Variants in NFATC1 observed in about 807,000 individuals in gnomAD.
NFATC1 encodes nuclear factor of activated T cells 1, also known as nuclear factor of activated T-cells, cytoplasmic 1.
NFATC1 carries 22 observed loss-of-function variants against 76.0 expected under a neutral mutation model. The ratio of observed to expected loss-of-function variants is 0.29; its 90% CI spans 0.21 to 0.41. NFATC1 has a LOEUF of 0.41. NFATC1 is among the 10% of genes least tolerant of loss of function. The pLI is 1.00. For synonymous variants in NFATC1, 704 were observed against 613.1 expected, an observed-to-expected ratio of 1.15 and a Z score of -2.19; for missense variants, 1,357 against 1,337.7, an observed-to-expected ratio of 1.01 and a Z score of -0.23.
At chr18:79,458,322 AG>A (rs139195481) in intron 6 of NFATC1, among the ~76,000 whole-genome samples, 15 of 108,156 alleles carry the variant, frequency 1.4e-4, no homozygotes, top group Admixed American at 8.9e-4. Flanking sequence ...GCAGGGCACG[AG>A]GATGCTTTGG....
Position 79,463,752 on chromosome 18 carries a change from G to A in NFATC1, c.1959+2386G>A, listed in dbSNP as rs560110730. ...GCAGTGTACCCTGGTGCCTGGCCTC[G>A]TGCTGCCTACCCTCCCTAGCCCTGG... On this transcript the variant is annotated intron_variant, in intron 7 of 9. Transcript: ENST00000427363. Among the ~76,000 whole-genome samples the A allele has an allele frequency of 3.9e-5, 6 of 152,198 alleles. No individual in the cohort carries two copies. In the South Asian group the frequency reaches 6.2e-4, roughly 16 times the overall value.
At chr18:79,518,557 T>A (rs1279283756) in intron 9 of NFATC1, among the ~76,000 whole-genome samples, 2 of 152,138 alleles carry the variant, frequency 1.3e-5, no homozygotes, top group Admixed American at 6.5e-5. Flanking sequence ...CCTTGACAAG[T>A]GTTTTGTCAC....
chr18:79,516,890 C>CT (rs2090398579), intron 9 of NFATC1, among the ~76,000 whole-genome samples: 1 of 152,120 alleles, frequency 6.6e-6, no homozygotes, highest in African/African-American at 2.4e-5. Flanking sequence ...ACTGTAATAC[C>CT]TTAAATGAGA....
chr18:79,486,127 G>A, intron 8 of NFATC1, 121 bp from the exon 9 acceptor site: 1 of 829,748 alleles, frequency 1.2e-6, no homozygotes, highest in Non-Finnish European at 1.9e-6. Context: ...GAACCAGGCA[G>A]GAGACAGAGG....
intron 2 of NFATC1, 62 bp downstream of exon 2, chr18:79,411,563 C>A: frequency 1.1e-6 from 1 of 888,210 alleles, no homozygotes; most frequent in Non-Finnish European, 1.5e-6. Context: ...GGGCGGAACG[C>A]GGGGAGCGGG....
rs143045693 is a variant in NFATC1 at position 79,410,505 on chromosome 18, C to T, written c.230C>T (p.Pro77Leu). 236 of 1,612,064 alleles carry T rather than the reference C, an allele frequency of 1.5e-4. No homozygotes were observed. Among genetic ancestry groups the T allele is most frequent in the Middle Eastern group, 4.9e-4 (3 of 6,062 alleles). Residue 77 changes from proline (P) to leucine (L), a missense_variant, in exon 2 of 10, where the codon CCG becomes CTG. Coordinates refer to ENST00000427363, the MANE Select transcript of NFATC1 (RefSeq NM_001278669.2). The surrounding 1 kb of genome is among the most constrained non-coding windows in gnomAD (Gnocchi z 6.7). ...APCHNLQTSTPGIIPPADHPS... is the reference protein window; with the variant it reads ...APCHNLQTSTLGIIPPADHPS... ...TGCCACAACCTTCAGACCTCCACAC[C>T]GGGCATCATCCCGCCGGCGGATCAC...
At chr18:79,442,299 C>G (rs1465237445) in intron 3 of NFATC1, among the ~76,000 whole-genome samples, 1 of 152,238 alleles carries the variant, frequency 6.6e-6, no homozygotes, top group Non-Finnish European at 1.5e-5. Flanking sequence ...TTTCTCCTCC[C>G]CACCTCTGTC....
At chr18:79,512,173 C>T (rs992247239) in intron 9 of NFATC1, among the ~76,000 whole-genome samples, 2 of 151,848 alleles carry the variant, frequency 1.3e-5, no homozygotes, top group Admixed American at 6.6e-5. Context: ...CCCCAGGACA[C>T]GGCCTCGCCC....
intron 7 of NFATC1, among the ~76,000 whole-genome samples, chr18:79,462,618 T>C (rs2088173923): frequency 1.3e-5 from 2 of 152,368 alleles, no homozygotes; most frequent in East Asian, 3.9e-4. Context: ...GTTCACTTAT[T>C]ATTGATACAG....
At chr18:79,518,626 C>T (rs996612531) in intron 9 of NFATC1, among the ~76,000 whole-genome samples, 1 of 152,352 alleles carries the variant, frequency 6.6e-6, no homozygotes, top group South Asian at 2.1e-4. Flanking sequence ...AAGGAGCCAC[C>T]GCTCATTGCC....
At chr18:79,450,296 G>T (rs987599435) in intron 4 of NFATC1, among the ~76,000 whole-genome samples, 2 of 152,030 alleles carry the variant, frequency 1.3e-5, no homozygotes, top group Non-Finnish European at 2.9e-5. Flanking sequence ...GAATGAAATT[G>T]TTAAGAGGTT....
At chr18:79,472,544 C>G (rs2088829262) in intron 8 of NFATC1, among the ~76,000 whole-genome samples, 1 of 152,232 alleles carries the variant, frequency 6.6e-6, no homozygotes, top group Admixed American at 6.5e-5. Context: ...CTTGAGGTCT[C>G]TGCAGATGCT....
intron 9 of NFATC1, chr18:79,493,481 G>C (rs1005996251): frequency 3.3e-5 from 5 of 152,122 alleles, no homozygotes; most frequent in Non-Finnish European, 7.3e-5. Context: ...CCTCTGCCAC[G>C]GTCGGCCCTT....
intron 7 of NFATC1, among the ~76,000 whole-genome samples, chr18:79,461,773 G>T (rs1005765111): frequency 3.3e-5 from 5 of 152,182 alleles, no homozygotes; most frequent in African/African-American, 1.2e-4. Flanking sequence ...CTGAGTTCCC[G>T]GGGGGTGGTC....
chr18:79,504,122 G>A (rs972552046), intron 9 of NFATC1, among the ~76,000 whole-genome samples: 2 of 151,976 alleles, frequency 1.3e-5, no homozygotes, highest in East Asian at 3.8e-4. Flanking sequence ...TCTTATCATC[G>A]GTGTTGTTCA....
chr18:79,513,547 C>T (rs1046672526), intron 9 of NFATC1, among the ~76,000 whole-genome samples: 4 of 152,270 alleles, frequency 2.6e-5, no homozygotes, highest in Admixed American at 1.3e-4. Context: ...TCGAAAACAT[C>T]GTGGTGGTGA....
At chr18:79,478,009 G>T (rs1017161752) in intron 8 of NFATC1, among the ~76,000 whole-genome samples, 18 of 152,134 alleles carry the variant, frequency 1.2e-4, no homozygotes, top group African/African-American at 4.3e-4. Context: ...AGGTTGAGGG[G>T]ACACGAGTCC....
chr18:79,492,391 C>T (rs2145092727), intron 9 of NFATC1, among the ~76,000 whole-genome samples: 1 of 152,268 alleles, frequency 6.6e-6, no homozygotes, highest in South Asian at 2.1e-4. Context: ...GGTAGAACCC[C>T]ATCTCTACTA....
chr18:79,483,995 C>T (rs1198943129), intron 8 of NFATC1, among the ~76,000 whole-genome samples: 1 of 150,854 alleles, frequency 6.6e-6, no homozygotes, highest in African/African-American at 2.4e-5. Flanking sequence ...TCCAGCGTGA[C>T]CTGGTCCTGG....
Sources: gnomAD v4.1 joint callset for allele counts (sites outside exome capture counted in the v4.1 genomes callset) on GRCh38, gnomAD v4.1.1 for gene constraint, Gnocchi (gnomAD v3.1) non-coding constraint, MANE v1.5 for transcripts, NCBI Gene and HGNC (gene_info 2026-07-23, HGNC 2026-07-21) for gene names.